Variants in MEOX2 observed in about 807,000 individuals in gnomAD.
The protein encoded by MEOX2 is mesenchyme homeobox 2.
A neutral mutation model predicts 27.0 loss-of-function variants in MEOX2; 11 were observed. The observed-to-expected ratio is 0.41, with a 90% CI of 0.26 to 0.68. The LOEUF is 0.68. MEOX2 is among the 30% of genes least tolerant of loss of function. The probability of loss-of-function intolerance (pLI) is 0.33; values close to 1 mark genes in which losing one functional copy is unlikely to be tolerated. For missense variants in MEOX2, 436 were observed against 385.4 expected (o/e 1.13, Z -1.10); for synonymous variants, 189 against 155.4 (o/e 1.22, Z -1.61).
At chr7:15,617,635 T>C (rs1352098241) in intron 2 of MEOX2, among the ~76,000 whole-genome samples, 1 of 152,054 alleles carries the variant, frequency 6.6e-6, no homozygotes, top group East Asian at 1.9e-4. Flanking sequence ...ATTGACTCTG[T>C]TGTTTCTACC....
intron 2 of MEOX2, among the ~76,000 whole-genome samples, chr7:15,617,174 G>A (rs1318721735): frequency 6.6e-6 from 1 of 151,966 alleles, no homozygotes; most frequent in Non-Finnish European, 1.5e-5. Context: ...CAAACATCTG[G>A]ATGAAAACTA....
chr7:15,612,157 T>G lies in MEOX2; in HGVS notation c.*230A>C. ...ACTGCCATACGCACGACCAAACACATCTGGAATATTCAAAGCAAGTTCACC... is the reference window on the plus strand; with the variant it reads ...ACTGCCATACGCACGACCAAACACAGCTGGAATATTCAAAGCAAGTTCACC... On this transcript the variant is annotated 3_prime_UTR_variant, in exon 3 of 3. Coordinates refer to ENST00000262041, the MANE Select transcript of MEOX2 (RefSeq NM_005924.5). 1 of 571,388 alleles carries G rather than the reference T, an allele frequency of 1.8e-6. No individual in the cohort carries two copies. The highest frequency in any genetic ancestry group is 2.2e-5 in the South Asian group (1 of 46,212). 35.4% of individuals were successfully genotyped at this position (571,388 alleles called of 1,614,324 possible).
At chr7:15,644,100 C>A (rs547128033) in intron 1 of MEOX2, among the ~76,000 whole-genome samples, 1 of 152,282 alleles carries the variant, frequency 6.6e-6, no homozygotes, top group South Asian at 2.1e-4. Flanking sequence ...AGTGTCTGGG[C>A]TCTGTTTTCT....
In MEOX2 at chr7:15,675,187, C is replaced by T. The variant is rs530578985; in HGVS notation, c.517+10699G>A. ...AAATATCTACTATTTACAGCAAAGC[C>T]CATCTGCACATTGCCAGCTATTAAA... On this transcript the variant is annotated intron_variant, in intron 1 of 2. Coordinates refer to ENST00000262041, the MANE Select transcript of MEOX2 (RefSeq NM_005924.5). Among the ~76,000 whole-genome samples, 105 of 152,130 alleles carry T rather than the reference C, an allele frequency of 6.9e-4. 1 individual carries two copies. The highest frequency in any genetic ancestry group is 4.8e-3 in the Admixed American group (73 of 15,278).
At chr7:15,657,450 C>T (rs868326207) in intron 1 of MEOX2, among the ~76,000 whole-genome samples, 1 of 151,918 alleles carries the variant, frequency 6.6e-6, no homozygotes, top group Non-Finnish European at 1.5e-5. Context: ...CAGTTTTTCC[C>T]TTTGTACTGT....
intron 1 of MEOX2, among the ~76,000 whole-genome samples, chr7:15,651,668 T>G (rs1781733790): frequency 6.6e-6 from 1 of 152,002 alleles, no homozygotes. Context: ...TGAGAAATCT[T>G]GCACTAGACT....
intron 2 of MEOX2, among the ~76,000 whole-genome samples, chr7:15,622,317 A>T (rs749277993): frequency 1.3e-5 from 2 of 151,998 alleles, no homozygotes; most frequent in Non-Finnish European, 2.9e-5. Context: ...GTATATTTAC[A>T]CACACACACA....
intron 2 of MEOX2, among the ~76,000 whole-genome samples, chr7:15,616,615 C>T (rs569824289): frequency 1.3e-5 from 2 of 151,784 alleles, no homozygotes; most frequent in Non-Finnish European, 2.9e-5. Flanking sequence ...GTTTTTAAGA[C>T]AGCTAAATTA....
chr7:15,624,905 G>A (rs954676163), intron 2 of MEOX2, among the ~76,000 whole-genome samples: 1 of 152,152 alleles, frequency 6.6e-6, no homozygotes, highest in African/African-American at 2.4e-5. Context: ...CCAAGCTCCT[G>A]AAGTCAGTTA....
At chr7:15,617,867 T>G (rs73056399) in intron 2 of MEOX2, among the ~76,000 whole-genome samples, 2,149 of 152,204 alleles carry the variant, frequency 0.014, 21 homozygotes, top group Non-Finnish European at 0.022. Context: ...AATCATAACA[T>G]TTAAAATTAC....
chr7:15,662,148 T>C (rs778945843), intron 1 of MEOX2, among the ~76,000 whole-genome samples: 1 of 142,024 alleles, frequency 7.0e-6, no homozygotes, highest in African/African-American at 2.7e-5. Flanking sequence ...AAATTAGCAC[T>C]ACTACTGCTA....
At chr7:15,666,117 C>T (rs1360540684) in intron 1 of MEOX2, among the ~76,000 whole-genome samples, 1 of 152,056 alleles carries the variant, frequency 6.6e-6, no homozygotes, top group African/African-American at 2.4e-5. Flanking sequence ...AATGCCAAGA[C>T]CAATGGAGGG....
chr7:15,641,583 C>A (rs1441915781), intron 1 of MEOX2, among the ~76,000 whole-genome samples: 2 of 152,066 alleles, frequency 1.3e-5, no homozygotes, highest in Admixed American at 1.3e-4. Context: ...CAATCTGTAT[C>A]TTTTAAGTGG....
rs1381131517 is a variant in MEOX2 at position 15,612,397 on chromosome 7, G to T, written c.905C>A (p.Ala302Glu). 7 of 1,613,140 alleles carry T rather than the reference G, an allele frequency of 4.3e-6. No homozygotes were observed. The highest frequency in any genetic ancestry group is 1.7e-4 in the Middle Eastern group (1 of 5,994). Residue 302 changes from alanine (A) to glutamate (E), a missense_variant, in exon 3 of 3, where the codon GCG (alanine) becomes GAG (glutamate). Coordinates refer to ENST00000262041, the MANE Select transcript of MEOX2 (RefSeq NM_005924.5). Reference sequence around the variant, plus strand: ...GGTCCTCTGTTTATATCATAAGTGCGCATGCTCTGAGCTGTGGTCACTGTC... The same window carrying T: ...GGTCCTCTGTTTATATCATAAGTGCTCATGCTCTGAGCTGTGGTCACTGTC... ...SHDSDHSSEH[A>E]HL
chr7:15,669,374 A>G (rs1190187966), intron 1 of MEOX2, among the ~76,000 whole-genome samples: 1 of 152,242 alleles, frequency 6.6e-6, no homozygotes, highest in Non-Finnish European at 1.5e-5. Flanking sequence ...CCTGATTGCA[A>G]TCATTAACAC....
intron 1 of MEOX2, among the ~76,000 whole-genome samples, chr7:15,628,053 A>T (rs1231531251): frequency 6.6e-5 from 10 of 152,228 alleles, no homozygotes; most frequent in African/African-American, 2.2e-4. Context: ...ATGTAGAAAG[A>T]TGATCATTAA....
chr7:15,672,384 TTAAAAA>T (rs1376807808), intron 1 of MEOX2, among the ~76,000 whole-genome samples: 1 of 152,216 alleles, frequency 6.6e-6, no homozygotes, highest in East Asian at 1.9e-4. Flanking sequence ...TATGTCTTAC[TTAAAAA>T]TAATGTAATG....
chr7:15,638,673 TC>T (rs1012309901), intron 1 of MEOX2, among the ~76,000 whole-genome samples: 4 of 152,052 alleles, frequency 2.6e-5, no homozygotes, highest in Non-Finnish European at 5.9e-5. Flanking sequence ...GTCTATTATT[TC>T]CATCTTTGTG....
At chr7:15,617,531 GA>G (rs1440726262) in intron 2 of MEOX2, among the ~76,000 whole-genome samples, 1 of 152,010 alleles carries the variant, frequency 6.6e-6, no homozygotes, top group Admixed American at 6.6e-5. Flanking sequence ...ATGGGGAAAA[GA>G]AAGCTTTTTT....
Sources: gnomAD v4.1 joint callset for allele counts (sites outside exome capture counted in the v4.1 genomes callset) on GRCh38, gnomAD v4.1.1 for gene constraint, MANE v1.5 for transcripts, NCBI Gene and HGNC (gene_info 2026-07-23, HGNC 2026-07-21) for gene names.